The following PI4K2A variants were observed in gnomAD, a reference collection of about 807,000 sequenced individuals.
The protein encoded by PI4K2A is phosphatidylinositol 4-kinase type 2-alpha.
In PI4K2A, 20 loss-of-function variants were observed where a neutral mutation model predicts 55.0. The observed-to-expected ratio is 0.36, with a 90% CI of 0.26 to 0.53. The LOEUF is 0.53. PI4K2A is among the 20% of genes least tolerant of loss of function. PI4K2A has a pLI of 0.91. For missense variants in PI4K2A, 463 were observed against 637.1 expected, an observed-to-expected ratio of 0.73 and a Z score of 2.94; for synonymous variants, 235 against 258.5, an observed-to-expected ratio of 0.91 and a Z score of 0.87.
chr10:97,668,725 T>C (rs527597412), intron 8 of PI4K2A, among the ~76,000 whole-genome samples: 4 of 152,338 alleles, frequency 2.6e-5, no homozygotes, highest in African/African-American at 7.2e-5. Context: ...AAAATTCAGC[T>C]TCTCCCATCT....
chr10:97,660,201 C>T (rs957555486), intron 4 of PI4K2A, among the ~76,000 whole-genome samples: 3 of 150,406 alleles, frequency 2.0e-5, no homozygotes, highest in Non-Finnish European at 4.4e-5. Context: ...TGGGGTTTCA[C>T]CGTGTTAGCC....
exon 9 of PI4K2A, chr10:97,674,368 G>GTTCTCCTGGAAACCCCC (rs2041650747): frequency 6.6e-6 from 1 of 152,284 alleles, no homozygotes; most frequent in Non-Finnish European, 1.5e-5. Context: ...CCTCGAAACA[G>GTTCTCCTGGAAACCCCC]TTCTCCTGGA....
intron 1 of PI4K2A, among the ~76,000 whole-genome samples, chr10:97,641,801 A>G (rs2041471215): frequency 6.6e-6 from 1 of 152,132 alleles, no homozygotes; most frequent in Non-Finnish European, 1.5e-5. Context: ...TTTAGATAGA[A>G]CTTGGAGTTT....
chr10:97,666,962 T>C (rs1564776820), intron 7 of PI4K2A, 99 bp from the exon 8 acceptor site: 1 of 862,444 alleles, frequency 1.2e-6, no homozygotes, highest in Non-Finnish European at 1.9e-6. Flanking sequence ...AGAAGCCTTA[T>C]GCAGGTTTTC....
exon 9 of PI4K2A, chr10:97,675,569 C>G (rs1564778721): frequency 6.6e-6 from 1 of 152,446 alleles, no homozygotes; most frequent in Non-Finnish European, 1.5e-5. Context: ...CATTTTTACC[C>G]AAACCTGTTG....
At chr10:97,658,349 G>C (rs903220431) in intron 4 of PI4K2A, among the ~76,000 whole-genome samples, 1 of 152,166 alleles carries the variant, frequency 6.6e-6, no homozygotes, top group Non-Finnish European at 1.5e-5. Context: ...CATCTATGAT[G>C]TAGTATATAT....
In PI4K2A at chr10:97,664,811, G is replaced by T. The variant is rs2041602070; in HGVS notation, c.985-74G>T. The T allele has an allele frequency of 4.2e-6, 4 of 941,304 alleles. No homozygotes were observed. In the South Asian group the frequency reaches 5.4e-5, roughly 13 times the overall value. 58.3% of individuals were successfully genotyped at this position (941,304 alleles called of 1,614,324 possible). A position where few individuals can be genotyped will look rare whatever the true frequency, so the allele number is the denominator to read the frequency against. On this transcript the variant is annotated intron_variant, in intron 5 of 8. Transcript: ENST00000370631. ...TCTTCTCTTGAGGGAGTTGGGATGAGTTGCTTTGCTACTAATTGGAAGGGC... is the reference window on the plus strand; with the variant it reads ...TCTTCTCTTGAGGGAGTTGGGATGATTTGCTTTGCTACTAATTGGAAGGGC...
chr10:97,656,552 T>C lies in PI4K2A; in HGVS notation c.768+136T>C. 1 of 850,424 alleles carries C rather than the reference T, an allele frequency of 1.2e-6. No homozygotes were observed. The highest frequency in any genetic ancestry group is 1.8e-6 in the Non-Finnish European group (1 of 547,110). The allele number at this position is 850,424 out of a possible 1,614,324, so 52.7% of individuals were successfully genotyped here. A position where few individuals can be genotyped will look rare whatever the true frequency, so the allele number is the denominator to read the frequency against. On this transcript the variant is annotated intron_variant, in intron 3 of 8. Transcript: ENST00000370631. The surrounding 1 kb of genome is among the most constrained non-coding windows in gnomAD (Gnocchi z 4.5). ...CTGAGGATCCTGTCTTCCTTATTTCTGTCAAGTGGCTAAGGTTTGAAAAGT... is the reference window on the plus strand; with the variant it reads ...CTGAGGATCCTGTCTTCCTTATTTCCGTCAAGTGGCTAAGGTTTGAAAAGT...
rs556845414 is a variant in PI4K2A at position 97,665,807 on chromosome 10, G to A, written c.1085-631G>A. Among the ~76,000 whole-genome samples, 138 of 149,816 alleles carry A rather than the reference G, an allele frequency of 9.2e-4. No homozygotes were observed. The Middle Eastern group carries it at 0.015, about 16-fold the overall frequency. ...AGGGTTTCAGTGTGTTAGCCAAGATGATCTCAATCTCCTGACCTTGTGATC... is the reference window on the plus strand; with the variant it reads ...AGGGTTTCAGTGTGTTAGCCAAGATAATCTCAATCTCCTGACCTTGTGATC... On this transcript the variant is annotated intron_variant, in intron 6 of 8. Transcript: ENST00000370631.
chr10:97,669,580 G>A (rs1033852715), intron 8 of PI4K2A, among the ~76,000 whole-genome samples: 2 of 152,194 alleles, frequency 1.3e-5, no homozygotes, highest in African/African-American at 4.8e-5. Flanking sequence ...TGACCATCCA[G>A]CTCCTTCCAA....
chr10:97,645,783 A>G (rs921109448), intron 1 of PI4K2A, among the ~76,000 whole-genome samples: 3 of 151,808 alleles, frequency 2.0e-5, no homozygotes, highest in Non-Finnish European at 4.4e-5. Flanking sequence ...CAGTGGCACA[A>G]CCTTGGCTCA....
rs1295882939 is a variant in PI4K2A, at chr10:97,665,071, T to C, written c.1084+87T>C. The C allele has an allele frequency of 6.4e-6, 5 of 778,672 alleles. No homozygotes were observed. In the African/African-American group the frequency reaches 7.0e-5, roughly 11 times the overall value. The allele number at this position is 778,672 out of a possible 1,614,324, so 48.2% of individuals were successfully genotyped here. On this transcript the variant is annotated intron_variant, in intron 6 of 8. Coordinates refer to ENST00000370631, the Ensembl canonical transcript of PI4K2A. The stretch of plus-strand genomic sequence containing the variant: ...AGTGGAGATGATAATGTCTCTATCA[T>C]AGGATTATTCTAAAAATTAATGAAA...
chr10:97,648,921 C>T (rs1472376938), intron 1 of PI4K2A, among the ~76,000 whole-genome samples: 4 of 152,138 alleles, frequency 2.6e-5, no homozygotes, highest in Non-Finnish European at 4.4e-5. Flanking sequence ...GTTAGTTTGT[C>T]TTTAAGAATA....
At chr10:97,640,725 G>C in exon 1 of PI4K2A, 1 of 1,466,800 alleles carries the variant, frequency 6.8e-7, no homozygotes, top group Non-Finnish European at 9.0e-7. Context: ...CCGGGTCCCG[G>C]AGCCGGCTGT....
intron 1 of PI4K2A, among the ~76,000 whole-genome samples, chr10:97,643,434 A>G (rs916274785): frequency 6.6e-6 from 1 of 151,910 alleles, no homozygotes; most frequent in Non-Finnish European, 1.5e-5. Flanking sequence ...GGGTTAGGTC[A>G]GCTGAGAAGT....
intron 1 of PI4K2A, among the ~76,000 whole-genome samples, chr10:97,646,465 C>A (rs1001005040): frequency 2.0e-5 from 3 of 152,154 alleles, no homozygotes; most frequent in African/African-American, 7.2e-5. Flanking sequence ...GATCCACCCG[C>A]TTTGGCCTCC....
At position 97,642,880 on chromosome 10, in the gene PI4K2A, T is replaced by TTCCTTC. The variant is rs2041483254; in HGVS notation, c.435+1703_435+1704insTCCTTC. ...CTTTCTTTCTTTTTCTTTCTTTCTT[T>TTCCTTC]CTTTCTTCCTTCCTTCCTTCCTTCC... On this transcript the variant is annotated intron_variant, in intron 1 of 8. Coordinates refer to ENST00000370631, the Ensembl canonical transcript of PI4K2A. Among the ~76,000 whole-genome samples the TTCCTTC allele has an allele frequency of 4.0e-4, 47 of 116,132 alleles. 2 individuals carry two copies. Among genetic ancestry groups the TTCCTTC allele is most frequent in the East Asian group, 1.9e-3 (8 of 4,208 alleles). 76.2% of individuals were successfully genotyped at this position (116,132 alleles called of 152,430 possible). A position where few individuals can be genotyped will look rare whatever the true frequency, so the allele number is the denominator to read the frequency against.
At chr10:97,642,232 C>T (rs1041774686) in intron 1 of PI4K2A, among the ~76,000 whole-genome samples, 6 of 152,004 alleles carry the variant, frequency 3.9e-5, no homozygotes, top group African/African-American at 1.5e-4. Context: ...ACTTGTAGCT[C>T]TTGGTTCGGC....
At chr10:97,641,787 A>G (rs1265798411) in intron 1 of PI4K2A, among the ~76,000 whole-genome samples, 1 of 152,228 alleles carries the variant, frequency 6.6e-6, no homozygotes, top group African/African-American at 2.4e-5. Context: ...TGACGACTCC[A>G]AAGTTTAGAT....
Sources: allele counts gnomAD v4.1 joint callset (sites outside exome capture counted in the v4.1 genomes callset), GRCh38; gene constraint gnomAD v4.1.1; non-coding constraint Gnocchi (gnomAD v3.1); transcripts MANE v1.5; gene names NCBI Gene and HGNC (gene_info 2026-07-23, HGNC 2026-07-21).